Variants in MTHFD2 observed in about 807,000 individuals in gnomAD.
MTHFD2 encodes bifunctional methylenetetrahydrofolate dehydrogenase/cyclohydrolase, mitochondrial.
A neutral mutation model predicts 36.8 loss-of-function variants in MTHFD2; 26 were observed. That is an observed-to-expected ratio of 0.71 (90% CI 0.52 to 0.98). MTHFD2 has a LOEUF of 0.98. MTHFD2 is among the 50% of genes least tolerant of loss of function. The pLI is 0.00. For missense variants in MTHFD2, 373 were observed against 434.0 expected, an observed-to-expected ratio of 0.86 and a Z score of 1.25; for synonymous variants, 164 against 155.2, an observed-to-expected ratio of 1.06 and a Z score of -0.42.
chr2:74,213,270 C>CTTTTTTTTTTTTTTTT (rs10638050), intron 7 of MTHFD2, among the ~76,000 whole-genome samples: 24 of 76,014 alleles, frequency 3.2e-4, no homozygotes, highest in African/African-American at 5.4e-4. Flanking sequence ...TTTTTCTTTC[C>CTTTTTTTTTTTTTTTT]TTTTTTTTTT....
intron 1 of MTHFD2, among the ~76,000 whole-genome samples, chr2:74,204,173 T>A (rs977552344): frequency 6.6e-6 from 1 of 152,018 alleles, no homozygotes; most frequent in African/African-American, 2.4e-5. Context: ...CTCGGCCTCC[T>A]AAAGTGCTGG....
At position 74,217,419 on chromosome 2, in the gene MTHFD2, T is replaced by G. The variant is rs889679690; in HGVS notation, c.*3177T>G. 2.6e-5 allele frequency: 4 copies of G among 152,202 alleles called. No homozygotes were observed. The highest frequency in any genetic ancestry group is 5.9e-5 in the Non-Finnish European group (4 of 68,030). 9.4% of individuals were successfully genotyped at this position (152,202 alleles called of 1,614,324 possible). On this transcript the variant is annotated 3_prime_UTR_variant, in exon 8 of 8. Transcript: ENST00000394053. ...CTGGTTTTTATCTTCCCAAATAGTT[T>G]TCAATCATTCCTTTAAAGTACTAGG... is the stretch of plus-strand genomic sequence containing the variant.
intron 2 of MTHFD2, among the ~76,000 whole-genome samples, chr2:74,207,248 C>G (rs1240515456): frequency 6.6e-6 from 1 of 152,220 alleles, no homozygotes; most frequent in Admixed American, 6.5e-5. Flanking sequence ...CCTGCCTCAG[C>G]CTCCCAAGTA....
chr2:74,212,067 A>G (rs1694317577), intron 7 of MTHFD2, among the ~76,000 whole-genome samples: 1 of 141,644 alleles, frequency 7.1e-6, no homozygotes, highest in Non-Finnish European at 1.5e-5. Flanking sequence ...CTTCTGCCTC[A>G]GCCTCCCGAG....
intron 6 of MTHFD2, 79 bp downstream of exon 6, chr2:74,211,370 C>A: frequency 1.2e-6 from 1 of 865,708 alleles, no homozygotes; most frequent in Non-Finnish European, 1.9e-6. Context: ...AATTCGCCTG[C>A]CTAGCTGCTA....
intron 2 of MTHFD2, among the ~76,000 whole-genome samples, chr2:74,206,912 T>C (rs572471291): frequency 6.6e-6 from 1 of 152,220 alleles, no homozygotes; most frequent in African/African-American, 2.4e-5. Context: ...TTCTCCATGT[T>C]GGTCAGGCTG....
chr2:74,201,267 C>T (rs1435208177), intron 1 of MTHFD2, among the ~76,000 whole-genome samples: 1 of 152,174 alleles, frequency 6.6e-6, no homozygotes, highest in East Asian at 1.9e-4. Flanking sequence ...GGATTACAGG[C>T]ATGAGCCACA....
intron 2 of MTHFD2, among the ~76,000 whole-genome samples, chr2:74,207,379 T>G (rs1694208565): frequency 6.8e-6 from 1 of 146,384 alleles, no homozygotes; most frequent in African/African-American, 2.5e-5. Flanking sequence ...CCGCTGGCCT[T>G]GGCCTCCCAA....
intron 6 of MTHFD2, 194 bp downstream of exon 6, chr2:74,211,485 G>C (rs1053684949): frequency 2.1e-6 from 1 of 481,436 alleles, no homozygotes; most frequent in Admixed American, 3.8e-5. Flanking sequence ...CTAGATGGGT[G>C]AATGTTATTC....
Position 74,214,759 on chromosome 2 carries a change from AAGT to A in MTHFD2, c.*520_*522del, listed in dbSNP as rs1217348528. 1 of 152,388 alleles carries A rather than the reference AAGT, an allele frequency of 6.6e-6. No homozygotes were observed. The highest frequency in any genetic ancestry group is 1.9e-4 in the East Asian group (1 of 5,206). The allele number at this position is 152,388 out of a possible 1,614,324, so 9.4% of individuals were successfully genotyped here. A position where few individuals can be genotyped will look rare whatever the true frequency, so the allele number is the denominator to read the frequency against. On this transcript the variant is annotated 3_prime_UTR_variant, in exon 8 of 8. Transcript: ENST00000394053. ...TATTGATTGGCAACCAGATTTATCT[AAGT>A]AGAACTGAATTGGCTAGGAAAAAAG... is the stretch of plus-strand genomic sequence containing the variant.
Position 74,203,906 on chromosome 2 carries a change from G to GTTAGTTTAGT in MTHFD2, c.102-1786_102-1777dup, listed in dbSNP as rs1553448380. On this transcript the variant is annotated intron_variant, in intron 1 of 7. Coordinates refer to ENST00000394053, the MANE Select transcript of MTHFD2 (RefSeq NM_006636.4). ...GTTTAGTTTAGTTTAGTTTAGTTTAGTTAGTTTAGTTTAGTTTAGTTTTTT... is the reference window on the plus strand; with the variant it reads ...GTTTAGTTTAGTTTAGTTTAGTTTAGTTAGTTTAGTTTAGTTTAGTTTAGTTTAGTTTTTT... Among the ~76,000 whole-genome samples, 3 of 29,514 alleles carry GTTAGTTTAGT rather than the reference G, an allele frequency of 1.0e-4. No homozygotes were observed. The East Asian group carries it at 2.7e-3, about 26-fold the overall frequency. The allele number at this position is 29,514 out of a possible 152,430, so 19.4% of individuals were successfully genotyped here. A position where few individuals can be genotyped will look rare whatever the true frequency, so the allele number is the denominator to read the frequency against.
chr2:74,204,743 A>G (rs746535641), intron 1 of MTHFD2, among the ~76,000 whole-genome samples: 1 of 152,126 alleles, frequency 6.6e-6, no homozygotes, highest in Non-Finnish European at 1.5e-5. Flanking sequence ...CCCTGCCCCT[A>G]TTCTTACCAG....
intron 7 of MTHFD2, 69 bp downstream of exon 7, chr2:74,211,935 G>A (rs938696405): frequency 3.5e-6 from 2 of 575,156 alleles, no homozygotes; most frequent in Non-Finnish European, 5.2e-6. Context: ...ATTTAGGATA[G>A]ATTATTTACT....
At chr2:74,200,787 A>G (rs761605518) in intron 1 of MTHFD2, among the ~76,000 whole-genome samples, 2 of 152,170 alleles carry the variant, frequency 1.3e-5, no homozygotes, top group African/African-American at 2.4e-5. Context: ...CTAGTGTTTA[A>G]TAGATGTTTG....
chr2:74,212,909 GT>G (rs34811101), intron 7 of MTHFD2, among the ~76,000 whole-genome samples: 16 of 147,904 alleles, frequency 1.1e-4, no homozygotes, highest in South Asian at 1.1e-3. Flanking sequence ...TTTCAGTTCT[GT>G]TTTTTTTTTT....
chr2:74,211,179 A>G lies in MTHFD2; in HGVS notation c.671-20A>G, dbSNP rs376502193. On this transcript the variant is annotated intron_variant, in intron 5 of 7. Coordinates refer to ENST00000394053, the MANE Select transcript of MTHFD2 (RefSeq NM_006636.4). ...CCAGCTTTGTGTCAGAAATCAAGAC[A>G]TCTATTTTTTTCTTTCTAGGTGATG... The G allele has an allele frequency of 1.4e-4, 209 of 1,491,176 alleles. No individual in the cohort carries two copies. In the African/African-American group the frequency reaches 2.7e-3, roughly 19 times the overall value. 92.4% of individuals were successfully genotyped at this position (1,491,176 alleles called of 1,614,324 possible).
intron 7 of MTHFD2, among the ~76,000 whole-genome samples, chr2:74,212,263 C>CTTT (rs398042480): frequency 0.033 from 1,169 of 35,726 alleles, 130 homozygotes; most frequent in African/African-American, 0.13. Context: ...GTTTCTTTCT[C>CTTT]TTTTTTTTTT....
At chr2:74,200,081 C>T (rs1370377245) in intron 1 of MTHFD2, among the ~76,000 whole-genome samples, 1 of 152,186 alleles carries the variant, frequency 6.6e-6, no homozygotes, top group African/African-American at 2.4e-5. Context: ...ATTTCAAAGG[C>T]GCTGCTTGTT....
At chr2:74,198,769 C>A in intron 1 of MTHFD2, 27 bp downstream of exon 1, 1 of 1,575,316 alleles carries the variant, frequency 6.3e-7, no homozygotes. Context: ...GCTCGGTCAG[C>A]GCGGAAAGCT....
Sources: allele counts gnomAD v4.1 joint callset (sites outside exome capture counted in the v4.1 genomes callset), GRCh38; gene constraint gnomAD v4.1.1; transcripts MANE v1.5; gene names NCBI Gene and HGNC (gene_info 2026-07-23, HGNC 2026-07-21).